C1QTNF3: variants seen among roughly 807,000 people sequenced by gnomAD.
The protein encoded by C1QTNF3 is C1q and TNF related 3.
A neutral mutation model predicts 32.6 loss-of-function variants in C1QTNF3; 26 were observed. The ratio of observed to expected loss-of-function variants is 0.80; its 90% confidence interval spans 0.58 to 1.11. The LOEUF is 1.11. Among genes scored for constraint, C1QTNF3 ranks in the 50% least tolerant of loss-of-function variants. C1QTNF3 has a pLI of 0.00. For synonymous variants in C1QTNF3, 155 were observed against 146.0 expected (o/e 1.06, Z -0.44); for missense variants, 362 against 398.2 (o/e 0.91, Z 0.77).
the C1QTNF3 span, among the ~76,000 whole-genome samples, chr5:34,229,581 G>A: frequency 6.6e-6 from 1 of 152,152 alleles, no homozygotes; most frequent in African/African-American, 2.4e-5. Context: ...ATTTTGAAAT[G>A]GAGAGACTAT....
chr5:34,046,070 A>G (rs996618988), upstream of C1QTNF3, among the ~76,000 whole-genome samples: 3 of 152,244 alleles, frequency 2.0e-5, no homozygotes, highest in African/African-American at 7.2e-5. Flanking sequence ...AACTTCAGCA[A>G]CTTTTTGTAA....
chr5:34,063,688 A>T, the C1QTNF3 span, among the ~76,000 whole-genome samples: 842 of 152,310 alleles, frequency 5.5e-3, 4 homozygotes, highest in Non-Finnish European at 8.7e-3. Flanking sequence ...TGGGAGGGAT[A>T]CCAGGGACAA....
chr5:34,195,570 G>T, the C1QTNF3 span, among the ~76,000 whole-genome samples: 5 of 152,194 alleles, frequency 3.3e-5, no homozygotes, highest in African/African-American at 1.2e-4. Flanking sequence ...GGCCGGGCGC[G>T]GTGGCTCATG....
At chr5:34,213,824 TGTG>T in the C1QTNF3 span, among the ~76,000 whole-genome samples, 153 of 18,718 alleles carry the variant, frequency 8.2e-3, 14 homozygotes, top group South Asian at 0.013. Context: ...TTTTTTTTTG[TGTG>T]TGTGATGGAG....
chr5:34,126,913 C>T, the C1QTNF3 span, among the ~76,000 whole-genome samples: 3 of 152,200 alleles, frequency 2.0e-5, no homozygotes, highest in South Asian at 2.1e-4. Context: ...ATCATGGGGG[C>T]GGACATCCCC....
chr5:34,140,654 T>A, the C1QTNF3 span, among the ~76,000 whole-genome samples: 1 of 152,196 alleles, frequency 6.6e-6, no homozygotes, highest in Non-Finnish European at 1.5e-5. Context: ...GATTAGAAAG[T>A]CTGCATTTTG....
At chr5:34,048,547 AG>A in the C1QTNF3 span, among the ~76,000 whole-genome samples, 1 of 152,178 alleles carries the variant, frequency 6.6e-6, no homozygotes, top group Non-Finnish European at 1.5e-5. Flanking sequence ...GTTTCTGTGT[AG>A]GGGGCACTGC....
At chr5:34,054,819 G>GT in the C1QTNF3 span, among the ~76,000 whole-genome samples, 2 of 152,080 alleles carry the variant, frequency 1.3e-5, no homozygotes, top group African/African-American at 2.4e-5. Flanking sequence ...ATCTGTCCAT[G>GT]TTTTTTATCA....
At chr5:34,080,837 T>C in the C1QTNF3 span, among the ~76,000 whole-genome samples, 2 of 151,732 alleles carry the variant, frequency 1.3e-5, no homozygotes, top group Non-Finnish European at 2.9e-5. Flanking sequence ...TCTGCTTCAC[T>C]GTGTGGACAA....
the C1QTNF3 span, among the ~76,000 whole-genome samples, chr5:34,230,920 G>A: frequency 6.6e-6 from 1 of 151,954 alleles, no homozygotes; most frequent in Non-Finnish European, 1.5e-5. Flanking sequence ...ATTTTTTGGT[G>A]TTGTTATTTC....
chr5:34,162,469 T>G, the C1QTNF3 span, among the ~76,000 whole-genome samples: 6 of 152,184 alleles, frequency 3.9e-5, no homozygotes, highest in South Asian at 8.3e-4. Context: ...CACATAAACT[T>G]TGGGGGACAC....
the C1QTNF3 span, among the ~76,000 whole-genome samples, chr5:34,103,580 A>T: frequency 7.6e-6 from 1 of 132,168 alleles, no homozygotes; most frequent in South Asian, 2.6e-4. Flanking sequence ...GCACTTTGGG[A>T]GGCCGAGGTG....
chr5:34,116,431 A>AACT, the C1QTNF3 span, among the ~76,000 whole-genome samples: 1 of 152,010 alleles, frequency 6.6e-6, no homozygotes, highest in African/African-American at 2.4e-5. Flanking sequence ...TAAAATCTCC[A>AACT]ACTACTACTG....
chr5:34,019,700 T>C lies in C1QTNF3; in HGVS notation c.*883A>G, dbSNP rs147757681. 1 of 152,378 alleles carries C rather than the reference T, an allele frequency of 6.6e-6. No homozygotes were observed. The highest frequency in any genetic ancestry group is 1.5e-5 in the Non-Finnish European group (1 of 68,042). 9.4% of individuals were successfully genotyped at this position (152,378 alleles called of 1,614,324 possible). ...ATTAAACACAAGTTTAGAAAGTATC[T>C]TTAACAAAGGTGTGTTTATTTCCAT... is the stretch of plus-strand genomic sequence containing the variant. On this transcript the variant is annotated 3_prime_UTR_variant, in exon 6 of 6. Transcript: ENST00000382065.
chr5:34,072,563 CAT>C, the C1QTNF3 span, among the ~76,000 whole-genome samples: 1 of 152,142 alleles, frequency 6.6e-6, no homozygotes, highest in Admixed American at 6.5e-5. Context: ...ATTCACCAGA[CAT>C]ATGCTGAGAA....
chr5:34,134,322 T>C, the C1QTNF3 span, among the ~76,000 whole-genome samples: 131 of 151,970 alleles, frequency 8.6e-4, no homozygotes, highest in African/African-American at 3.1e-3. Flanking sequence ...TATACAAGTA[T>C]TTGCTTATCA....
chr5:34,023,948 T>A lies in C1QTNF3; in HGVS notation c.761A>T (p.Tyr254Phe). Residue 254 changes from tyrosine to phenylalanine, a missense_variant, in exon 5 of 6, where the codon TAC (tyrosine) becomes TTC (phenylalanine). Tyr to Phe is a conservative substitution (Grantham distance 22, BLOSUM62 3). Transcript: ENST00000382065. The stretch of plus-strand genomic sequence containing the variant: ...GACTGTGTTGCCATTGTGCATAAGG[T>A]ACACATACACTTCCTCAACATCCTC... ...KHEDVEEVYV[Y>F]LMHNGNTVFS... 6.2e-7 allele frequency: 1 copy of A among 1,614,126 alleles called. No individual in the cohort carries two copies. Among genetic ancestry groups the A allele is most frequent in the African/African-American group, 1.3e-5 (1 of 75,028 alleles).
chr5:34,125,750 CGA>C, the C1QTNF3 span, among the ~76,000 whole-genome samples: 6 of 152,148 alleles, frequency 3.9e-5, no homozygotes, highest in Admixed American at 6.5e-5. Context: ...TTATTTCACA[CGA>C]GAGATATATG....
At chr5:34,220,689 T>C in the C1QTNF3 span, among the ~76,000 whole-genome samples, 1 of 152,102 alleles carries the variant, frequency 6.6e-6, no homozygotes, top group Non-Finnish European at 1.5e-5. Context: ...TCCTCAGAAA[T>C]CTACTTAAAC....
Sources: allele counts gnomAD v4.1 joint callset (sites outside exome capture counted in the v4.1 genomes callset), GRCh38; gene constraint gnomAD v4.1.1; transcripts MANE v1.5; gene names NCBI Gene and HGNC (gene_info 2026-07-23, HGNC 2026-07-21).